FSTL4: variants seen among roughly 807,000 people sequenced by gnomAD.
FSTL4 encodes follistatin-related protein 4.
FSTL4 carries 28 observed loss-of-function variants against 78.2 expected under a neutral mutation model. The observed-to-expected ratio is 0.36, with a 90% CI of 0.27 to 0.49. The LOEUF (loss-of-function observed/expected upper bound fraction) is 0.49, where lower values mean the gene tolerates loss of function less well. FSTL4 is among the 20% of genes least tolerant of loss of function. The pLI, the probability that FSTL4 is intolerant of heterozygous loss-of-function variation, is 0.98. For missense variants in FSTL4, 922 were observed against 1,084.9 expected (o/e 0.85, Z 2.11); for synonymous variants, 422 against 440.5 (o/e 0.96, Z 0.53).
chr5:133,658,360 C>T, the FSTL4 span, among the ~76,000 whole-genome samples: 1 of 151,998 alleles, frequency 6.6e-6, no homozygotes, highest in Non-Finnish European at 1.5e-5. Flanking sequence ...ATCATCTATT[C>T]CTTGAATGTG....
the FSTL4 span, among the ~76,000 whole-genome samples, chr5:133,827,680 A>G: frequency 6.6e-6 from 1 of 151,814 alleles, no homozygotes; most frequent in African/African-American, 2.4e-5. Flanking sequence ...GGCTGAAAAG[A>G]CCTACAAAGC....
chr5:133,422,585 C>G (rs552486218), intron 3 of FSTL4, among the ~76,000 whole-genome samples: 55 of 152,090 alleles, frequency 3.6e-4, no homozygotes, highest in African/African-American at 1.3e-3. Context: ...AGAATTTGTT[C>G]TAACTACTTT....
intron 6 of FSTL4, among the ~76,000 whole-genome samples, chr5:133,266,878 A>G (rs1432857969): frequency 1.3e-5 from 2 of 152,064 alleles, no homozygotes; most frequent in African/African-American, 4.8e-5. Flanking sequence ...TGGGCTCCTC[A>G]CTCAGTGTCC....
chr5:133,641,867 TTTC>T, the FSTL4 span, among the ~76,000 whole-genome samples: 27 of 151,984 alleles, frequency 1.8e-4, 1 homozygote, highest in African/African-American at 4.8e-4. Flanking sequence ...CTTACCTTTC[TTTC>T]TTCTTCTTCT....
At chr5:133,632,562 T>A in the FSTL4 span, among the ~76,000 whole-genome samples, 2 of 152,240 alleles carry the variant, frequency 1.3e-5, no homozygotes, top group Admixed American at 1.3e-4. Flanking sequence ...ATCATTTTAT[T>A]CCTGAAGAAT....
At position 133,541,953 on chromosome 5, in the gene FSTL4, CT is replaced by C. The variant is rs1759482017; in HGVS notation, c.160+25232del. ...ACACACACACACACACACACACACT[CT>C]TAACTTTAAGCAATACTTAACTGAT... On this transcript the variant is annotated intron_variant, in intron 3 of 15. Coordinates refer to ENST00000265342, the MANE Select transcript of FSTL4 (RefSeq NM_015082.2). Among the ~76,000 whole-genome samples, 3 of 152,212 alleles carry C rather than the reference CT, an allele frequency of 2.0e-5. No individual in the cohort carries two copies. The South Asian group carries it at 6.2e-4, about 32-fold the overall frequency.
At chr5:133,691,592 C>G in the FSTL4 span, among the ~76,000 whole-genome samples, 5,645 of 152,196 alleles carry the variant, frequency 0.037, 173 homozygotes, top group East Asian at 0.16. Context: ...TGAGTCACCA[C>G]TGAACTCTCC....
At chr5:133,260,465 A>C (rs79384229) in intron 6 of FSTL4, among the ~76,000 whole-genome samples, 10,058 of 152,292 alleles carry the variant, frequency 0.066, 1,012 homozygotes, top group African/African-American at 0.21. Context: ...AGCGTGCCAC[A>C]GTGGCTGATG....
At chr5:133,742,827 G>A in the FSTL4 span, among the ~76,000 whole-genome samples, 1 of 152,134 alleles carries the variant, frequency 6.6e-6, no homozygotes, top group Non-Finnish European at 1.5e-5. Context: ...AGCATAGCAG[G>A]CTGGGGGTGT....
intron 4 of FSTL4, chr5:133,334,090 A>G (rs1341241232): frequency 6.6e-6 from 1 of 152,284 alleles, no homozygotes; most frequent in Admixed American, 6.5e-5. Flanking sequence ...CTTCCACTCA[A>G]AAGTCTGTCT....
At chr5:133,481,173 C>A (rs761052209) in intron 3 of FSTL4, among the ~76,000 whole-genome samples, 1 of 152,112 alleles carries the variant, frequency 6.6e-6, no homozygotes, top group Admixed American at 6.5e-5. Context: ...TGCTCTCTGG[C>A]CTTGAGATGT....
intron 2 of FSTL4, among the ~76,000 whole-genome samples, chr5:133,601,430 G>C (rs915159143): frequency 2.0e-5 from 3 of 152,192 alleles, no homozygotes; most frequent in Non-Finnish European, 4.4e-5. Flanking sequence ...GTGACCAAGA[G>C]TGGTCAAAGA....
chr5:133,627,007 A>G, the FSTL4 span, among the ~76,000 whole-genome samples: 1 of 152,092 alleles, frequency 6.6e-6, no homozygotes, highest in Non-Finnish European at 1.5e-5. Flanking sequence ...CTATAACTGA[A>G]TGTGTCTGTC....
chr5:133,774,314 A>G, the FSTL4 span, among the ~76,000 whole-genome samples: 1 of 152,158 alleles, frequency 6.6e-6, no homozygotes, highest in Non-Finnish European at 1.5e-5. Context: ...GCGATTCTCA[A>G]TCAGAAGTGA....
the FSTL4 span, among the ~76,000 whole-genome samples, chr5:133,809,796 C>A: frequency 6.6e-6 from 1 of 152,060 alleles, no homozygotes; most frequent in African/African-American, 2.4e-5. Context: ...GGTATGACTT[C>A]TTCTTCTGTG....
At chr5:133,367,347 G>C (rs1229019041) in intron 4 of FSTL4, among the ~76,000 whole-genome samples, 1 of 152,208 alleles carries the variant, frequency 6.6e-6, no homozygotes, top group Non-Finnish European at 1.5e-5. Context: ...TGGATGTGTT[G>C]TCTCTGAAAC....
intron 6 of FSTL4, among the ~76,000 whole-genome samples, chr5:133,279,145 C>T (rs1292099334): frequency 6.6e-6 from 1 of 152,194 alleles, no homozygotes; most frequent in Non-Finnish European, 1.5e-5. Flanking sequence ...TCCTAGTGCC[C>T]TAGACCAGGG....
chr5:133,752,624 A>AAATT, the FSTL4 span, among the ~76,000 whole-genome samples: 186 of 147,840 alleles, frequency 1.3e-3, no homozygotes, highest in East Asian at 8.9e-3. Flanking sequence ...AAAATAAAAT[A>AAATT]AAATTAAATT....
At chr5:133,770,479 G>C in the FSTL4 span, among the ~76,000 whole-genome samples, 5 of 152,166 alleles carry the variant, frequency 3.3e-5, no homozygotes, top group Non-Finnish European at 5.9e-5. Context: ...GATGATTAGT[G>C]ATGTTGAGCA....
Sources: gnomAD v4.1 joint callset for allele counts (sites outside exome capture counted in the v4.1 genomes callset) on GRCh38, gnomAD v4.1.1 for gene constraint, MANE v1.5 for transcripts, NCBI Gene and HGNC (gene_info 2026-07-23, HGNC 2026-07-21) for gene names.